AGBL2: variants seen among roughly 807,000 people sequenced by gnomAD.
The protein encoded by AGBL2 is cytosolic carboxypeptidase 2.
A neutral mutation model predicts 103.0 loss-of-function variants in AGBL2; 87 were observed. The observed-to-expected ratio is 0.84, with a 90% CI of 0.71 to 1.01. AGBL2 has a LOEUF of 1.01. AGBL2 is among the 50% of genes least tolerant of loss of function. AGBL2 has a pLI of 0.00. For missense variants in AGBL2, 904 were observed against 1,023.5 expected (o/e 0.88, Z 1.59); for synonymous variants, 335 against 356.7 (o/e 0.94, Z 0.69).
rs1446725341 is a variant in AGBL2 at position 47,659,639 on chromosome 11, C to T, written c.*534G>A. 1 of 152,156 alleles carries T rather than the reference C, an allele frequency of 6.6e-6. No individual in the cohort carries two copies. Among genetic ancestry groups the T allele is most frequent in the East Asian group, 1.9e-4 (1 of 5,198 alleles). 9.4% of individuals were successfully genotyped at this position (152,156 alleles called of 1,614,324 possible). On this transcript the variant is annotated 3_prime_UTR_variant, in exon 19 of 19. Coordinates refer to ENST00000525123, the MANE Select transcript of AGBL2 (RefSeq NM_024783.4). ...TCAGCCTAAAAAAATTACAAAACCTCATTGAACATAAGGTACGCAACATTA... is the reference window on the plus strand; with the variant it reads ...TCAGCCTAAAAAAATTACAAAACCTTATTGAACATAAGGTACGCAACATTA...
At chr11:47,666,655 A>G (rs2097342139) in intron 17 of AGBL2, 1 of 547,310 alleles carries the variant, frequency 1.8e-6, no homozygotes, top group East Asian at 3.1e-5. Flanking sequence ...ATTTTAAAAT[A>G]ACATTTGCTG....
In AGBL2 at chr11:47,710,436, C is replaced by T; in HGVS notation, c.173G>A (p.Gly58Asp). ...RKNNPQCLLNGSLGEKDDLIP... is the reference protein window; with the variant it reads ...RKNNPQCLLNDSLGEKDDLIP... Reference sequence around the variant, plus strand: ...CAAATCATCTTTTTCCCCAAGAGAGCCATTCAACAGGCATTGAGGGTTATT... The same window carrying T: ...CAAATCATCTTTTTCCCCAAGAGAGTCATTCAACAGGCATTGAGGGTTATT... Residue 58 changes from glycine (G) to aspartate (D), a missense_variant, in exon 4 of 19, where the codon GGC (glycine) becomes GAC (aspartate). Gly to Asp is a moderately conservative substitution (Grantham distance 94, BLOSUM62 -1). Coordinates refer to ENST00000525123, the MANE Select transcript of AGBL2 (RefSeq NM_024783.4). 6.2e-7 allele frequency: 1 copy of T among 1,614,094 alleles called. No homozygotes were observed. Among genetic ancestry groups the T allele is most frequent in the Non-Finnish European group, 8.5e-7 (1 of 1,180,018 alleles).
intron 8 of AGBL2, among the ~76,000 whole-genome samples, chr11:47,696,027 A>G (rs1471341608): frequency 3.9e-4 from 15 of 38,162 alleles, no homozygotes; most frequent in African/African-American, 7.1e-4. Context: ...AAAAAAAAAA[A>G]AAAAAAAAAG....
At chr11:47,692,319 T>C in intron 8 of AGBL2, 63 bp from the exon 9 acceptor site, 2 of 1,455,110 alleles carry the variant, frequency 1.4e-6, no homozygotes, top group South Asian at 2.4e-5. Context: ...AGCAAATACT[T>C]AAGTGGCCCC....
At position 47,690,388 on chromosome 11, in the gene AGBL2, G is replaced by T; in HGVS notation, c.1319C>A (p.Thr440Asn). ...CTCTTGAGGGGTCTGGGATGGGTTGGTGATGGTGAGCAAGTAAACGGTATT... is the reference window on the plus strand; with the variant it reads ...CTCTTGAGGGGTCTGGGATGGGTTGTTGATGGTGAGCAAGTAAACGGTATT... ...AGNTVYLLTITNPSQTPQEAA... is the reference protein window; with the variant it reads ...AGNTVYLLTINNPSQTPQEAA... The change falls in exon 10 of 19, where the codon ACC becomes AAC. Residue 440 changes from threonine (T) to asparagine (N), a missense_variant. Transcript: ENST00000525123. 1 of 1,614,166 alleles carries T rather than the reference G, an allele frequency of 6.2e-7. No homozygotes were observed. Among genetic ancestry groups the T allele is most frequent in the Non-Finnish European group, 8.5e-7 (1 of 1,180,038 alleles).
chr11:47,674,887 A>T (rs1405740539), intron 14 of AGBL2, among the ~76,000 whole-genome samples: 1 of 151,966 alleles, frequency 6.6e-6, no homozygotes, highest in East Asian at 1.9e-4. Context: ...GGCATGTGCC[A>T]TCACACACAA....
intron 1 of AGBL2, 174 bp from the exon 2 acceptor site, chr11:47,714,924 T>C (rs2097545696): frequency 6.1e-6 from 3 of 488,782 alleles, no homozygotes; most frequent in African/African-American, 5.9e-5. Context: ...ATCTTCCCGC[T>C]TCTTCTTCCC....
At chr11:47,661,104 A>G (rs2097326746) in intron 18 of AGBL2, among the ~76,000 whole-genome samples, 2 of 152,164 alleles carry the variant, frequency 1.3e-5, no homozygotes, top group East Asian at 1.9e-4. Context: ...CAGAGGTTGC[A>G]GTGAGCCAAG....
At chr11:47,700,600 A>C (rs72911735) in intron 7 of AGBL2, among the ~76,000 whole-genome samples, 2 of 131,318 alleles carry the variant, frequency 1.5e-5, no homozygotes, top group South Asian at 2.3e-4. Flanking sequence ...TAAAACAAAC[A>C]AACCAACAAA....
At chr11:47,713,602 T>A (rs11039354) in intron 3 of AGBL2, among the ~76,000 whole-genome samples, 87,782 of 150,834 alleles carry the variant, frequency 0.58, 25,866 homozygotes, top group Admixed American at 0.65. Flanking sequence ...TTATTTATTT[T>A]TTTTGAGACA....
At chr11:47,665,297 T>G (rs1438081604) in intron 17 of AGBL2, among the ~76,000 whole-genome samples, 1 of 152,026 alleles carries the variant, frequency 6.6e-6, no homozygotes, top group Non-Finnish European at 1.5e-5. Flanking sequence ...TCCACCCATC[T>G]TGTCCTCCCA....
chr11:47,711,249 T>A (rs569503477), intron 3 of AGBL2, among the ~76,000 whole-genome samples: 1 of 152,174 alleles, frequency 6.6e-6, no homozygotes, highest in East Asian at 1.9e-4. Flanking sequence ...ACCCCTTCCC[T>A]AGGAATCTCA....
chr11:47,698,168 ATTTTTT>A (rs35161992), intron 8 of AGBL2, among the ~76,000 whole-genome samples: 80 of 79,814 alleles, frequency 1.0e-3, no homozygotes, highest in African/African-American at 4.1e-3. Flanking sequence ...AGTCTACATA[ATTTTTT>A]TTTTTTTTTT....
At chr11:47,678,330 A>ATTATTTTTTTT (rs1565026506) in intron 13 of AGBL2, among the ~76,000 whole-genome samples, 3 of 114,378 alleles carry the variant, frequency 2.6e-5, no homozygotes, top group South Asian at 4.1e-4. Context: ...ATTTTATTTT[A>ATTATTTTTTTT]TTTTATTATT....
At chr11:47,680,696 G>A (rs2097397787) in intron 12 of AGBL2, among the ~76,000 whole-genome samples, 1 of 151,686 alleles carries the variant, frequency 6.6e-6, no homozygotes, top group African/African-American at 2.4e-5. Context: ...GGAGGCTAAG[G>A]TGGGAGGATC....
chr11:47,697,367 T>C (rs1329020898), intron 8 of AGBL2, among the ~76,000 whole-genome samples: 3 of 151,560 alleles, frequency 2.0e-5, no homozygotes, highest in Non-Finnish European at 4.4e-5. Flanking sequence ...GCCTCCTGAA[T>C]AGCTGTAACT....
At position 47,690,666 on chromosome 11, in the gene AGBL2, G is replaced by A. The variant is rs1303854403; in HGVS notation, c.1041C>T (p.Asn347=). ...CTCTCCTCCAGCCAATATTGCGGGTGTTGGCATCCAATTGGGAGTACAAGA... is the reference window on the plus strand; with the variant it reads ...CTCTCCTCCAGCCAATATTGCGGGTATTGGCATCCAATTGGGAGTACAAGA... ...KPLLYSQLDA[N]TRNIGWRREG... The change falls in exon 10 of 19, where the codon AAC becomes AAT. Residue 347 remains asparagine, a synonymous_variant. Transcript: ENST00000525123. 1.2e-6 allele frequency: 2 copies of A among 1,614,200 alleles called. No individual in the cohort carries two copies. The highest frequency in any genetic ancestry group is 8.5e-7 in the Non-Finnish European group (1 of 1,180,040).
At chr11:47,670,498 AT>A (rs2153802894) in intron 14 of AGBL2, among the ~76,000 whole-genome samples, 1 of 152,154 alleles carries the variant, frequency 6.6e-6, no homozygotes, top group East Asian at 1.9e-4. Context: ...AAATAAATAA[AT>A]AACAAAAAGA....
rs1192282788 is a variant in AGBL2, at chr11:47,705,983, A to G, written c.233-66T>C. On this transcript the variant is annotated intron_variant, in intron 4 of 18. Coordinates refer to ENST00000525123, the MANE Select transcript of AGBL2 (RefSeq NM_024783.4). ...GTTGTCTTCTTTTCTTCTGTCTGCTATCCCCATCCCTTCTCATTTCCTATG... is the reference window on the plus strand; with the variant it reads ...GTTGTCTTCTTTTCTTCTGTCTGCTGTCCCCATCCCTTCTCATTTCCTATG... 22 of 1,303,328 alleles carry G rather than the reference A, an allele frequency of 1.7e-5. No individual in the cohort carries two copies. In the East Asian group the frequency reaches 4.8e-4, roughly 29 times the overall value. 80.7% of individuals were successfully genotyped at this position (1,303,328 alleles called of 1,614,324 possible). A position where few individuals can be genotyped will look rare whatever the true frequency, so the allele number is the denominator to read the frequency against.
Sources: gnomAD v4.1 joint callset for allele counts (sites outside exome capture counted in the v4.1 genomes callset) on GRCh38, gnomAD v4.1.1 for gene constraint, MANE v1.5 for transcripts, NCBI Gene and HGNC (gene_info 2026-07-23, HGNC 2026-07-21) for gene names.